Variants in SLC24A2 observed in about 807,000 individuals in gnomAD.
The protein encoded by SLC24A2 is sodium/potassium/calcium exchanger 2.
A neutral mutation model predicts 62.0 loss-of-function variants in SLC24A2; 36 were observed. That is an observed-to-expected ratio of 0.58 (90% CI 0.44 to 0.77). The LOEUF is 0.77. Among genes scored for constraint, SLC24A2 ranks in the 30% least tolerant of loss-of-function variants. SLC24A2 has a pLI of 0.00. For missense variants in SLC24A2, 846 were observed against 817.9 expected (o/e 1.03, Z -0.42); for synonymous variants, 358 against 294.0 (o/e 1.22, Z -2.23).
chr9:20,187,428 C>T, the SLC24A2 span, among the ~76,000 whole-genome samples: 2 of 152,292 alleles, frequency 1.3e-5, no homozygotes, highest in African/African-American at 4.8e-5. Context: ...CAAGTCCAAA[C>T]TTCTGAGCCT....
the SLC24A2 span, among the ~76,000 whole-genome samples, chr9:19,949,420 G>C: frequency 0.24 from 36,681 of 152,142 alleles, 5,371 homozygotes; most frequent in South Asian, 0.4. Context: ...GGAAATGTAT[G>C]TGATCATACT....
In SLC24A2 at chr9:19,647,718, C is replaced by T. The variant is rs191626513; in HGVS notation, c.931-25419G>A. The stretch of plus-strand genomic sequence containing the variant: ...AGTACCCAGTTAATCCATTAGATAC[C>T]ATTTATATTTCAATTGTTAATGCCA... On this transcript the variant is annotated intron_variant, in intron 2 of 10. Coordinates refer to ENST00000341998, the MANE Select transcript of SLC24A2 (RefSeq NM_020344.4). Among the ~76,000 whole-genome samples, 20 of 152,266 alleles carry T rather than the reference C, an allele frequency of 1.3e-4. 1 individual carries two copies. Among genetic ancestry groups the T allele is most frequent in the African/African-American group, 4.8e-4 (20 of 41,550 alleles).
At chr9:19,874,668 T>C in the SLC24A2 span, among the ~76,000 whole-genome samples, 2 of 152,242 alleles carry the variant, frequency 1.3e-5, no homozygotes, top group African/African-American at 4.8e-5. Flanking sequence ...GGCTTATTTC[T>C]AGATACTTGA....
At chr9:20,230,076 T>C in the SLC24A2 span, among the ~76,000 whole-genome samples, 1 of 152,224 alleles carries the variant, frequency 6.6e-6, no homozygotes, top group Non-Finnish European at 1.5e-5. Context: ...TCATTTTTTA[T>C]GGCTGCATAG....
chr9:19,704,066 G>A (rs1178626783), intron 2 of SLC24A2, among the ~76,000 whole-genome samples: 1 of 152,184 alleles, frequency 6.6e-6, no homozygotes, highest in Non-Finnish European at 1.5e-5. Context: ...TGGGGACCCT[G>A]TGCAATCTCC....
chr9:19,880,394 T>C, the SLC24A2 span, among the ~76,000 whole-genome samples: 1 of 152,344 alleles, frequency 6.6e-6, no homozygotes, highest in Admixed American at 6.5e-5. Context: ...TGAAGGGATT[T>C]AACCTTTCTT....
chr9:19,940,098 T>C, the SLC24A2 span, among the ~76,000 whole-genome samples: 8 of 152,218 alleles, frequency 5.3e-5, no homozygotes, highest in Non-Finnish European at 1.5e-5. Flanking sequence ...GAAGTGAAAG[T>C]GCAGAGTAAA....
At chr9:20,135,273 A>G in the SLC24A2 span, among the ~76,000 whole-genome samples, 1 of 151,888 alleles carries the variant, frequency 6.6e-6, no homozygotes, top group African/African-American at 2.4e-5. Context: ...AATCATTTTT[A>G]TTTTTTAAAT....
chr9:20,261,439 CCAGGGT>C, the SLC24A2 span, among the ~76,000 whole-genome samples: 1 of 152,020 alleles, frequency 6.6e-6, no homozygotes, highest in South Asian at 2.1e-4. Context: ...AAGAAGAGTG[CCAGGGT>C]CAGACTTGCT....
the SLC24A2 span, among the ~76,000 whole-genome samples, chr9:19,872,851 C>T: frequency 6.6e-6 from 1 of 152,262 alleles, no homozygotes; most frequent in South Asian, 2.1e-4. Context: ...CAAGTCCTAA[C>T]AGGGGTCAGA....
At chr9:19,943,731 A>G in the SLC24A2 span, among the ~76,000 whole-genome samples, 1 of 152,196 alleles carries the variant, frequency 6.6e-6, no homozygotes, top group Non-Finnish European at 1.5e-5. Flanking sequence ...CAGTGTCTCA[A>G]ATAAGAAAGA....
the SLC24A2 span, among the ~76,000 whole-genome samples, chr9:20,021,775 C>T: frequency 6.6e-6 from 1 of 151,964 alleles, no homozygotes; most frequent in Non-Finnish European, 1.5e-5. Context: ...ACTTATTTTA[C>T]ATCTAGTATT....
chr9:19,720,689 A>AC (rs370571898), intron 2 of SLC24A2, among the ~76,000 whole-genome samples: 2,568 of 77,502 alleles, frequency 0.033, 36 homozygotes, highest in African/African-American at 0.036. Flanking sequence ...TACAATGACA[A>AC]CCCCCCCCCC....
the SLC24A2 span, among the ~76,000 whole-genome samples, chr9:19,808,518 C>CA: frequency 7.9e-5 from 12 of 152,158 alleles, no homozygotes; most frequent in African/African-American, 1.4e-4. The surrounding 1 kb of genome is among the most constrained non-coding windows in gnomAD (Gnocchi z 4.1). Flanking sequence ...CTCAGAAGCA[C>CA]AAAAAACAGC....
the SLC24A2 span, among the ~76,000 whole-genome samples, chr9:20,149,119 T>G: frequency 6.6e-6 from 1 of 152,012 alleles, no homozygotes; most frequent in African/African-American, 2.4e-5. Context: ...AGCAGATTTG[T>G]ATAACAAATC....
the SLC24A2 span, among the ~76,000 whole-genome samples, chr9:20,205,649 T>TAAA: frequency 4.2e-3 from 277 of 65,178 alleles, 2 homozygotes; most frequent in African/African-American, 6.8e-3. Flanking sequence ...AGACTCCATC[T>TAAA]AAAAAAAAAA....
At chr9:19,993,751 A>G in the SLC24A2 span, among the ~76,000 whole-genome samples, 1 of 152,096 alleles carries the variant, frequency 6.6e-6, no homozygotes, top group South Asian at 2.1e-4. Flanking sequence ...TTCCCTAACT[A>G]TGTCTTCTCT....
At chr9:19,597,953 G>A (rs1177102743) in intron 4 of SLC24A2, among the ~76,000 whole-genome samples, 1 of 152,128 alleles carries the variant, frequency 6.6e-6, no homozygotes, top group Non-Finnish European at 1.5e-5. Context: ...GTAAACAGCA[G>A]GAGGCAGGGC....
chr9:19,905,912 G>A, the SLC24A2 span, among the ~76,000 whole-genome samples: 870 of 152,252 alleles, frequency 5.7e-3, 5 homozygotes, highest in Non-Finnish European at 9.5e-3. Context: ...ACATTAGACA[G>A]ATCAACGAGA....
Sources: gnomAD v4.1 joint callset for allele counts (sites outside exome capture counted in the v4.1 genomes callset) on GRCh38, gnomAD v4.1.1 for gene constraint, Gnocchi (gnomAD v3.1) non-coding constraint, MANE v1.5 for transcripts, NCBI Gene and HGNC (gene_info 2026-07-23, HGNC 2026-07-21) for gene names.